ATP6V0D1: variants seen among roughly 807,000 people sequenced by gnomAD.
ATP6V0D1 encodes the protein ATPase H+ transporting V0 subunit d1, also known as V-type proton ATPase subunit d 1.
A neutral mutation model predicts 39.0 loss-of-function variants in ATP6V0D1; 13 were observed. The observed-to-expected ratio is 0.33, with a 90% CI of 0.22 to 0.53. ATP6V0D1 has a LOEUF of 0.53. ATP6V0D1 is among the 20% of genes least tolerant of loss of function. ATP6V0D1 has a pLI of 0.94. For synonymous variants in ATP6V0D1, 191 were observed against 191.2 expected, an observed-to-expected ratio of 1.00 and a Z score of 0.01; for missense variants, 272 against 470.9, an observed-to-expected ratio of 0.58 and a Z score of 3.91.
Position 67,466,467 on chromosome 16 carries a change from T to C in ATP6V0D1, c.131-12752A>G, listed in dbSNP as rs144880575. On this transcript the variant is annotated intron_variant, in intron 1 of 7. Transcript: ENST00000290949. ...TCACTTGAACACGGGAGGCGGAGGT[T>C]GCGGTGAGCCAAGATTGTGCCATTG... Among the ~76,000 whole-genome samples the C allele has an allele frequency of 2.0e-5, 3 of 150,588 alleles. No homozygotes were observed. In the East Asian group the frequency reaches 5.9e-4, roughly 30 times the overall value.
At chr16:67,463,568 A>G (rs775261565) in intron 1 of ATP6V0D1, among the ~76,000 whole-genome samples, 1 of 151,926 alleles carries the variant, frequency 6.6e-6, no homozygotes, top group Non-Finnish European at 1.5e-5. Context: ...GGAGGGAGGA[A>G]GAAGGGGAAA....
At chr16:67,458,297 C>T (rs1404711087) in intron 1 of ATP6V0D1, among the ~76,000 whole-genome samples, 4 of 152,154 alleles carry the variant, frequency 2.6e-5, no homozygotes, top group Admixed American at 1.3e-4. Context: ...TGGGAGGGGA[C>T]GTGACTGGGA....
chr16:67,450,760 G>A (rs1053219908), intron 2 of ATP6V0D1, among the ~76,000 whole-genome samples: 7 of 152,164 alleles, frequency 4.6e-5, no homozygotes, highest in African/African-American at 1.7e-4. Flanking sequence ...AGAAGAATTC[G>A]GAAGGGAAGG....
intron 4 of ATP6V0D1, chr16:67,440,212 G>C (rs1173311829): frequency 6.6e-6 from 1 of 152,284 alleles, no homozygotes; most frequent in East Asian, 1.9e-4. Flanking sequence ...AGTTCCTGCT[G>C]AGGGATGGTT....
intron 1 of ATP6V0D1, among the ~76,000 whole-genome samples, chr16:67,473,975 A>T (rs2041395627): frequency 6.6e-6 from 1 of 151,884 alleles, no homozygotes; most frequent in Non-Finnish European, 1.5e-5. Flanking sequence ...CGTTTTTATC[A>T]CCCCAAAAAT....
Position 67,456,306 on chromosome 16 carries a change from G to A in ATP6V0D1, c.131-2591C>T, listed in dbSNP as rs1354490505. On this transcript the variant is annotated intron_variant, in intron 1 of 7. Coordinates refer to ENST00000290949, the MANE Select transcript of ATP6V0D1 (RefSeq NM_004691.5). The surrounding 1 kb of genome is among the most constrained non-coding windows in gnomAD (Gnocchi z 4.1). ...ACCACGTGTGCAAGTCTTTTTAAGA[G>A]AAACATGGTTTATTTGTACAAAACT... 2 of 152,174 alleles carry A rather than the reference G, an allele frequency of 1.3e-5. No individual in the cohort carries two copies. The highest frequency in any genetic ancestry group is 2.4e-5 in the African/African-American group (1 of 41,442). The allele number at this position is 152,174 out of a possible 1,614,324, so 9.4% of individuals were successfully genotyped here.
chr16:67,480,944 G>T lies in ATP6V0D1; in HGVS notation c.130+13C>A. 1 of 1,613,348 alleles carries T rather than the reference G, an allele frequency of 6.2e-7. No individual in the cohort carries two copies. Among genetic ancestry groups the T allele is most frequent in the Non-Finnish European group, 8.5e-7 (1 of 1,179,514 alleles). On this transcript the variant is annotated intron_variant, in intron 1 of 7. Transcript: ENST00000290949. Reference sequence around the variant, plus strand: ...GACAGCCTCTATCCCCGCCTTTCGCGGCCCCGGCTCACCCTCTAGCGTCTC... The same window carrying T: ...GACAGCCTCTATCCCCGCCTTTCGCTGCCCCGGCTCACCCTCTAGCGTCTC...
At chr16:67,452,506 T>A (rs2041192784) in intron 2 of ATP6V0D1, 2 of 1,064,284 alleles carry the variant, frequency 1.9e-6, no homozygotes, top group African/African-American at 3.1e-5. Context: ...GTGTGCCAGG[T>A]CCCAAGGAAA....
At chr16:67,451,794 T>G (rs1203528336) in intron 2 of ATP6V0D1, among the ~76,000 whole-genome samples, 1 of 152,266 alleles carries the variant, frequency 6.6e-6, no homozygotes, top group Non-Finnish European at 1.5e-5. Context: ...GCACCCTTGG[T>G]GCTTGCAGCC....
rs1383781309 is a variant in ATP6V0D1 at position 67,453,122 on chromosome 16, C to A, written c.302+422G>T. ...GCTCTGTCCATCCCGACACCTGACC[C>A]CTCGCATGGGGAGTGGGGCCTGGTG... On this transcript the variant is annotated intron_variant, in intron 2 of 7. Transcript: ENST00000290949. This position sits in a 1 kb window ranked among gnomAD's most constrained non-coding sequence, Gnocchi z 4.1. Among the ~76,000 whole-genome samples, 1 of 152,178 alleles carries A rather than the reference C, an allele frequency of 6.6e-6. No homozygotes were observed. Among genetic ancestry groups the A allele is most frequent in the Admixed American group, 6.5e-5 (1 of 15,286 alleles).
chr16:67,480,120 AC>A (rs1331445760), intron 1 of ATP6V0D1, among the ~76,000 whole-genome samples: 1 of 105,966 alleles, frequency 9.4e-6, no homozygotes, highest in Non-Finnish European at 1.7e-5. Flanking sequence ...AATGGCGTGA[AC>A]CCGGGAGGCG....
intron 1 of ATP6V0D1, among the ~76,000 whole-genome samples, chr16:67,461,022 A>G (rs1457536405): frequency 2.6e-5 from 4 of 152,212 alleles, no homozygotes; most frequent in Non-Finnish European, 5.9e-5. Flanking sequence ...CTCCCAGGGC[A>G]CTGCACAGAC....
intron 1 of ATP6V0D1, among the ~76,000 whole-genome samples, chr16:67,469,245 T>C (rs1597582571): frequency 6.6e-6 from 1 of 151,928 alleles, no homozygotes; most frequent in Non-Finnish European, 1.5e-5. Context: ...GAGGCGGAGG[T>C]TGCAGTGAGC....
rs1597564570 is a variant in ATP6V0D1 at position 67,438,073 on chromosome 16, A to G, written c.*455T>C. The G allele has an allele frequency of 5.5e-6, 1 of 182,566 alleles. No homozygotes were observed. The highest frequency in any genetic ancestry group is 2.4e-5 in the African/African-American group (1 of 42,000). The allele number at this position is 182,566 out of a possible 1,614,324, so 11.3% of individuals were successfully genotyped here. A position where few individuals can be genotyped will look rare whatever the true frequency, so the allele number is the denominator to read the frequency against. On this transcript the variant is annotated 3_prime_UTR_variant, in exon 8 of 8. Transcript: ENST00000290949. ...TCAGAGGGGCAGGGCTGAGGGAGGG[A>G]GCTGAGGAGCAACATCCCCCCAGGC... is the stretch of plus-strand genomic sequence containing the variant.
chr16:67,477,864 G>A (rs1002555631), intron 1 of ATP6V0D1, among the ~76,000 whole-genome samples: 12 of 152,124 alleles, frequency 7.9e-5, no homozygotes, highest in African/African-American at 2.9e-4. Flanking sequence ...TAGTAGAGAC[G>A]GGGTTTCACC....
chr16:67,473,601 G>C (rs1420420918), intron 1 of ATP6V0D1, among the ~76,000 whole-genome samples: 1 of 152,184 alleles, frequency 6.6e-6, no homozygotes, highest in Admixed American at 6.5e-5. Flanking sequence ...TCGGCTCACT[G>C]CAAGCTCCAC....
At chr16:67,469,621 A>G (rs917298771) in intron 1 of ATP6V0D1, among the ~76,000 whole-genome samples, 1 of 152,204 alleles carries the variant, frequency 6.6e-6, no homozygotes, top group Non-Finnish European at 1.5e-5. Flanking sequence ...CCAGCCCTAC[A>G]ATGCCCCACA....
At chr16:67,462,720 T>C (rs1297838691) in intron 1 of ATP6V0D1, among the ~76,000 whole-genome samples, 2 of 151,118 alleles carry the variant, frequency 1.3e-5, no homozygotes, top group African/African-American at 4.9e-5. Context: ...CTCAGCTACC[T>C]GGGAGGCTAA....
rs538154417 is a variant in ATP6V0D1, at chr16:67,443,071, A to G, written c.561+28T>C. 1.0e-4 allele frequency: 167 copies of G among 1,611,472 alleles called. 2 individuals carry two copies. The South Asian group carries it at 1.1e-3, about 10-fold the overall frequency. On this transcript the variant is annotated intron_variant, in intron 4 of 7. Transcript: ENST00000290949. ...CACAGCCCCACCCACCGACAGGCCA[A>G]TCCCCCATGGCTTGTGTGGGGCATT...
Sources: allele counts gnomAD v4.1 joint callset (sites outside exome capture counted in the v4.1 genomes callset), GRCh38; gene constraint gnomAD v4.1.1; non-coding constraint Gnocchi (gnomAD v3.1); transcripts MANE v1.5; gene names NCBI Gene and HGNC (gene_info 2026-07-23, HGNC 2026-07-21).